The following ATP4B variants were observed in gnomAD, a reference collection of about 807,000 sequenced individuals.
ATP4B encodes the protein potassium-transporting ATPase subunit beta.
In ATP4B, 27 loss-of-function variants were observed where a neutral mutation model predicts 35.3. The observed-to-expected ratio is 0.76, with a 90% CI of 0.56 to 1.05. The LOEUF (loss-of-function observed/expected upper bound fraction) is 1.05. Ranked by LOEUF, ATP4B falls within the 50% of genes least tolerant of loss-of-function variation. The pLI is 0.00. For synonymous variants in ATP4B, 162 were observed against 156.0 expected (o/e 1.04, Z -0.29); for missense variants, 375 against 384.8 (o/e 0.97, Z 0.21).
rs568623397 is a variant in ATP4B at position 113,649,879 on chromosome 13, T to G, written c.715-344A>C. On this transcript the variant is annotated intron_variant, in intron 6 of 6. Transcript: ENST00000335288. The surrounding 1 kb of genome is among the most constrained non-coding windows in gnomAD (Gnocchi z 4.7). ...TAGAGGATCTGGGAAGTAGAAAAATTAGGCTGGGCGCAGTGGCTCATGCCT... is the reference window on the plus strand; with the variant it reads ...TAGAGGATCTGGGAAGTAGAAAAATGAGGCTGGGCGCAGTGGCTCATGCCT... Among the ~76,000 whole-genome samples, 17 of 152,250 alleles carry G rather than the reference T, an allele frequency of 1.1e-4. No individual in the cohort carries two copies. The highest frequency in any genetic ancestry group is 3.4e-4 in the African/African-American group (14 of 41,564).
At chr13:113,655,862 G>GT (rs1238751821) in intron 1 of ATP4B, among the ~76,000 whole-genome samples, 1 of 152,250 alleles carries the variant, frequency 6.6e-6, no homozygotes, top group Non-Finnish European at 1.5e-5. Context: ...AAGCAAGGGA[G>GT]TGCAGGGCCA....
chr13:113,655,319 A>G lies in ATP4B; in HGVS notation c.113-377T>C, dbSNP rs112645672. On this transcript the variant is annotated intron_variant, in intron 1 of 6. Transcript: ENST00000335288. ...AGGGGGGAGTTATGGTTCCCCCATCACAGGAAGGGAAACTGAGGCAGAGAG... is the reference window on the plus strand; with the variant it reads ...AGGGGGGAGTTATGGTTCCCCCATCGCAGGAAGGGAAACTGAGGCAGAGAG... Among the ~76,000 whole-genome samples, 305 of 152,272 alleles carry G rather than the reference A, an allele frequency of 2.0e-3. 1 individual carries two copies. The highest frequency in any genetic ancestry group is 6.8e-3 in the African/African-American group (284 of 41,552).
rs954297941 is a variant in ATP4B at position 113,654,741 on chromosome 13, G to C, written c.241+73C>G. 1.9e-6 allele frequency: 3 copies of C among 1,538,746 alleles called. No individual in the cohort carries two copies. The South Asian group carries it at 3.7e-5, about 19-fold the overall frequency. Reference sequence around the variant, plus strand: ...TTTCTGGGGAGGGCACGGGTCCCCCGGGCGTCTCCAGAGCCGAGGAGGCGG... The same window carrying C: ...TTTCTGGGGAGGGCACGGGTCCCCCCGGCGTCTCCAGAGCCGAGGAGGCGG... On this transcript the variant is annotated intron_variant, in intron 2 of 6. Coordinates refer to ENST00000335288, the MANE Select transcript of ATP4B (RefSeq NM_000705.4).
At chr13:113,654,741 G>T in intron 2 of ATP4B, 73 bp downstream of exon 2, 1 of 1,538,864 alleles carries the variant, frequency 6.5e-7, no homozygotes. Flanking sequence ...CGGGTCCCCC[G>T]GGCGTCTCCA....
Position 113,651,593 on chromosome 13 carries a change from C to T in ATP4B, c.612+78G>A, listed in dbSNP as rs143404371. On this transcript the variant is annotated intron_variant, in intron 5 of 6. Transcript: ENST00000335288. ...CATTCCTGGAGAGAACCAGGTGGGCCGTGCCCAGCATGAACCAGCACGACC... is the reference window on the plus strand; with the variant it reads ...CATTCCTGGAGAGAACCAGGTGGGCTGTGCCCAGCATGAACCAGCACGACC... 3.5e-4 allele frequency: 502 copies of T among 1,430,410 alleles called. 2 individuals carry two copies. In the African/African-American group the frequency reaches 4.9e-3, roughly 14 times the overall value. The allele number at this position is 1,430,410 out of a possible 1,614,324, so 88.6% of individuals were successfully genotyped here.
rs184142621 is a variant in ATP4B, at chr13:113,649,710, A to G, written c.715-175T>C. 6.0e-4 allele frequency among the ~76,000 whole-genome samples: 91 copies of G among 152,318 alleles called. No individual in the cohort carries two copies. Among genetic ancestry groups the G allele is most frequent in the African/African-American group, 2.0e-3 (83 of 41,568 alleles). On this transcript the variant is annotated intron_variant, in intron 6 of 6. Transcript: ENST00000335288. The surrounding 1 kb of genome is among the most constrained non-coding windows in gnomAD (Gnocchi z 4.7). ...TTTGCTGAGATAACACCCCCCATGT[A>G]AAAATGGAAAGCAACTGTCTGGAGG... is the stretch of plus-strand genomic sequence containing the variant.
Position 113,649,826 on chromosome 13 carries a change from A to G in ATP4B, c.715-291T>C, listed in dbSNP as rs1309101700. The stretch of plus-strand genomic sequence containing the variant: ...AGGAAAAGCACGTGATGTGGAGGAA[A>G]GTCTTCGAAGTGGATATGCAGTTGT... On this transcript the variant is annotated intron_variant, in intron 6 of 6. Transcript: ENST00000335288. This position sits in a 1 kb window ranked among gnomAD's most constrained non-coding sequence, Gnocchi z 4.7. Among the ~76,000 whole-genome samples, 3 of 152,208 alleles carry G rather than the reference A, an allele frequency of 2.0e-5. No individual in the cohort carries two copies. Among genetic ancestry groups the G allele is most frequent in the Non-Finnish European group, 4.4e-5 (3 of 68,026 alleles).
At chr13:113,651,130 C>G (rs1338587935) in intron 5 of ATP4B, among the ~76,000 whole-genome samples, 2 of 151,582 alleles carry the variant, frequency 1.3e-5, no homozygotes, top group African/African-American at 2.4e-5. Context: ...GGTAATGGAA[C>G]CACGCTGTGA....
In ATP4B at chr13:113,650,277, C is replaced by G. The variant is rs1594559965; in HGVS notation, c.714+129G>C. 2 of 840,774 alleles carry G rather than the reference C, an allele frequency of 2.4e-6. No individual in the cohort carries two copies. Among genetic ancestry groups the G allele is most frequent in the Non-Finnish European group, 3.9e-6 (2 of 510,516 alleles). 52.1% of individuals were successfully genotyped at this position (840,774 alleles called of 1,614,324 possible). A position where few individuals can be genotyped will look rare whatever the true frequency, so the allele number is the denominator to read the frequency against. ...GGGCTTGGGAAACACGCAGAACGTT[C>G]CAGTCAGGACCGGCTAAGTCACACC... is the stretch of plus-strand genomic sequence containing the variant. On this transcript the variant is annotated intron_variant, in intron 6 of 6. Transcript: ENST00000335288. The surrounding 1 kb of genome is among the most constrained non-coding windows in gnomAD (Gnocchi z 5.0).
chr13:113,654,994 A>G, intron 1 of ATP4B, 52 bp from the exon 2 acceptor site: 2 of 1,608,014 alleles, frequency 1.2e-6, no homozygotes, highest in African/African-American at 1.3e-5. Context: ...TTTAACGCAC[A>G]CAATTCGGTG....
chr13:113,657,997 CT>C, intron 1 of ATP4B, 35 bp downstream of exon 1: 1 of 1,539,064 alleles, frequency 6.5e-7, no homozygotes, highest in South Asian at 1.2e-5. Flanking sequence ...GAGCGGCCCC[CT>C]CCATGCACCC....
At chr13:113,652,173 C>G (rs941760814) in intron 4 of ATP4B, among the ~76,000 whole-genome samples, 2 of 152,214 alleles carry the variant, frequency 1.3e-5, no homozygotes, top group Non-Finnish European at 2.9e-5. Flanking sequence ...CCAGCCCCAG[C>G]CATCCCCTGC....
rs147887053 is a variant in ATP4B at position 113,658,017 on chromosome 13, C to T, written c.112+16G>A. On this transcript the variant is annotated intron_variant, in intron 1 of 6. Transcript: ENST00000335288. ...GCCCCCTCCATGCACCCAGCCGGCC[C>T]GCCCCCCGCACGTACCCCACCGGGA... 6.9e-3 allele frequency: 10,909 copies of T among 1,583,036 alleles called. 60 individuals are homozygous for T. The highest frequency in any genetic ancestry group is 8.4e-3 in the Non-Finnish European group (9,860 of 1,166,990).
chr13:113,651,649 C>T, intron 5 of ATP4B, 22 bp downstream of exon 5: 1 of 1,589,970 alleles, frequency 6.3e-7, no homozygotes, highest in Non-Finnish European at 8.6e-7. Context: ...GGCAGCCCTG[C>T]CCGCCGCGCG....
Position 113,654,843 on chromosome 13 carries a change from GGT to G in ATP4B, c.210_211del (p.Pro71GlyfsTer31). 1 of 1,614,038 alleles carries G rather than the reference GGT, an allele frequency of 6.2e-7. No homozygotes were observed. Among genetic ancestry groups the G allele is most frequent in the Non-Finnish European group, 8.5e-7 (1 of 1,180,004 alleles). On this transcript the variant is annotated frameshift_variant, in exon 2 of 7. Coordinates refer to ENST00000335288, the MANE Select transcript of ATP4B (RefSeq NM_000705.4). LOFTEE classifies it high-confidence loss of function. Reference sequence around the variant, plus strand: ...TGACCGTAGCTGGTCTTGGTAGTCCGGTGTGTACGGGTCCACTGTCTGCATCA... The same window carrying G: ...TGACCGTAGCTGGTCTTGGTAGTCCGGTGTACGGGTCCACTGTCTGCATCA...
chr13:113,656,368 C>T (rs775927029), intron 1 of ATP4B, among the ~76,000 whole-genome samples: 6 of 152,148 alleles, frequency 3.9e-5, no homozygotes, highest in Non-Finnish European at 5.9e-5. Flanking sequence ...GTGGGCGGTG[C>T]GTGTCTCCCC....
At chr13:113,656,823 C>T (rs2140706355) in intron 1 of ATP4B, among the ~76,000 whole-genome samples, 1 of 152,214 alleles carries the variant, frequency 6.6e-6, no homozygotes, top group Non-Finnish European at 1.5e-5. Context: ...GGAGGCGGCA[C>T]ATGGGAGTCT....
At chr13:113,653,957 T>C (rs1359669838) in intron 2 of ATP4B, among the ~76,000 whole-genome samples, 2 of 152,226 alleles carry the variant, frequency 1.3e-5, no homozygotes, top group African/African-American at 2.4e-5. Flanking sequence ...GAAACACAGA[T>C]GCAGAAACGT....
chr13:113,651,196 A>T (rs2049709383), intron 5 of ATP4B, among the ~76,000 whole-genome samples: 1 of 152,238 alleles, frequency 6.6e-6, no homozygotes, highest in Non-Finnish European at 1.5e-5. Flanking sequence ...ATTTAATTTA[A>T]AAAATTCAGT....
Sources: allele counts gnomAD v4.1 joint callset (sites outside exome capture counted in the v4.1 genomes callset), GRCh38; gene constraint gnomAD v4.1.1; non-coding constraint Gnocchi (gnomAD v3.1); transcripts MANE v1.5; gene names NCBI Gene and HGNC (gene_info 2026-07-23, HGNC 2026-07-21).